Variants in TRIM66 observed in about 807,000 individuals in gnomAD.
The protein encoded by TRIM66 is tripartite motif containing 66, also known as tripartite motif-containing protein 66.
TRIM66 carries 99 observed loss-of-function variants against 148.2 expected under a neutral mutation model. The ratio of observed to expected loss-of-function variants is 0.67; its 90% CI spans 0.57 to 0.79. The LOEUF is 0.79. Ranked by LOEUF, TRIM66 falls within the 30% of genes least tolerant of loss-of-function variation. TRIM66 has a pLI of 0.00. For synonymous variants in TRIM66, 616 were observed against 635.9 expected (o/e 0.97, Z 0.47); for missense variants, 1,666 against 1,697.9 (o/e 0.98, Z 0.33).
intron 8 of TRIM66, 71 bp from the exon 9 acceptor site, chr11:8,648,619 C>A: frequency 1.3e-6 from 2 of 1,524,464 alleles, no homozygotes; most frequent in South Asian, 1.2e-5. Flanking sequence ...AGCTTTGCTG[C>A]ACAGCTCTCA....
Position 8,660,827 on chromosome 11 carries a change from G to C in TRIM66, c.341-8924C>G, listed in dbSNP as rs2038199090. Among the ~76,000 whole-genome samples, 3 of 152,186 alleles carry C rather than the reference G, an allele frequency of 2.0e-5. No individual in the cohort carries two copies. The South Asian group carries it at 6.2e-4, about 31-fold the overall frequency. ...GTGTAGGATGTTTCAAGCAAGAAAA[G>C]GCATTTCAGGAGGAAAGAACATCAT... On this transcript the variant is annotated intron_variant, in intron 6 of 24. Coordinates refer to ENST00000646038, the MANE Select transcript of TRIM66 (RefSeq NM_001388022.1).
Position 8,671,954 on chromosome 11 carries a change from T to A in TRIM66, c.172A>T (p.Ser58Cys), listed in dbSNP as rs1691861254. The change falls in exon 6 of 25, where the codon AGT becomes TGT. Residue 58 changes from serine (S) to cysteine (C), a missense_variant. Around this residue, in one of 3 missense-constraint regions of TRIM66, gnomAD observed 1,431 missense variants for 1,412.4 expected, o/e 1.01. Coordinates refer to ENST00000646038, the MANE Select transcript of TRIM66 (RefSeq NM_001388022.1). ...ATTACCATGGCCTCCATCTGTCCAC[T>A]CTTAGGGCAGTGTTTCTGGCCAGCT... ...PLAGQKHCPK[S>C]GQMEAMVMTC... The A allele has an allele frequency of 6.5e-7, 1 of 1,536,126 alleles. No individual in the cohort carries two copies. Among genetic ancestry groups the A allele is most frequent in the Non-Finnish European group, 8.7e-7 (1 of 1,146,904 alleles).
At chr11:8,667,642 C>T (rs1237634833) in intron 6 of TRIM66, among the ~76,000 whole-genome samples, 1 of 152,208 alleles carries the variant, frequency 6.6e-6, no homozygotes, top group Non-Finnish European at 1.5e-5. Context: ...CTGAACATCT[C>T]ATGTAACCAG....
upstream of TRIM66, chr11:8,682,674 G>A: frequency 3.2e-6 from 3 of 936,790 alleles, no homozygotes; most frequent in Non-Finnish European, 5.2e-6. Flanking sequence ...GCGACTAGCA[G>A]GCGCGCAATC....
At chr11:8,672,467 G>C in intron 4 of TRIM66, 82 bp from the exon 5 acceptor site, 1 of 1,368,868 alleles carries the variant, frequency 7.3e-7, no homozygotes, top group Non-Finnish European at 9.6e-7. Flanking sequence ...GTATTTCAAA[G>C]GGGTTGAGAC....
chr11:8,614,268 G>A lies in TRIM66; in HGVS notation c.*3676C>T, dbSNP rs2033583148. 1 of 152,154 alleles carries A rather than the reference G, an allele frequency of 6.6e-6. No homozygotes were observed. The highest frequency in any genetic ancestry group is 6.6e-5 in the Admixed American group (1 of 15,260). 9.4% of individuals were successfully genotyped at this position (152,154 alleles called of 1,614,324 possible). ...ATGGGAGGATCACCTGAGCCCAGAAGGCAGAGGTTGCAATGAGCCGACATC... is the reference window on the plus strand; with the variant it reads ...ATGGGAGGATCACCTGAGCCCAGAAAGCAGAGGTTGCAATGAGCCGACATC... On this transcript the variant is annotated 3_prime_UTR_variant, in exon 25 of 25. Transcript: ENST00000646038.
In TRIM66 at chr11:8,682,615, G is replaced by A. The variant is rs113103256; in HGVS notation, c.-562C>T. 1.4e-5 allele frequency: 9 copies of A among 636,814 alleles called. No individual in the cohort carries two copies. In the Admixed American group the frequency reaches 1.7e-4, roughly 12 times the overall value. The allele number at this position is 636,814 out of a possible 1,614,324, so 39.4% of individuals were successfully genotyped here. Reference sequence around the variant, plus strand: ...ACGAGCCTCACCGAAACCGTACACCGCCACCAGGACACTCCGTGATGGGGG... The same window carrying A: ...ACGAGCCTCACCGAAACCGTACACCACCACCAGGACACTCCGTGATGGGGG... On this transcript the variant is annotated 5_prime_UTR_variant, in exon 1 of 25. Coordinates refer to ENST00000646038, the MANE Select transcript of TRIM66 (RefSeq NM_001388022.1).
At chr11:8,644,615 T>C (rs1211284692) in intron 12 of TRIM66, among the ~76,000 whole-genome samples, 1 of 152,150 alleles carries the variant, frequency 6.6e-6, no homozygotes, top group Non-Finnish European at 1.5e-5. Flanking sequence ...TCAGTGTACT[T>C]ACCCCACCAC....
At chr11:8,677,319 A>G (rs185282534) in intron 3 of TRIM66, among the ~76,000 whole-genome samples, 51 of 152,322 alleles carry the variant, frequency 3.3e-4, no homozygotes, top group African/African-American at 1.2e-3. Flanking sequence ...TTTGTTCACA[A>G]TTGTACCTGC....
At chr11:8,648,108 A>C (rs886238106) in intron 9 of TRIM66, 22 bp from the exon 10 acceptor site, 2 of 1,539,252 alleles carry the variant, frequency 1.3e-6, no homozygotes, top group African/African-American at 2.7e-5. Context: ...GGCAGAGAAA[A>C]AGCTGAGAAG....
Position 8,640,431 on chromosome 11 carries a change from C to T in TRIM66, c.1944G>A (p.Gln648=). 1 of 1,551,502 alleles carries T rather than the reference C, an allele frequency of 6.4e-7. No homozygotes were observed. Among genetic ancestry groups the T allele is most frequent in the Non-Finnish European group, 8.7e-7 (1 of 1,147,004 alleles). ...ACTTGTGATGCATTATGTCCATGTT[C>T]TGAGAACAGGCAGGGCCAGGAGGGC... ...HESPPGPACS[Q]NMDIMHHKFE... The change falls in exon 14 of 25, where the codon CAG becomes CAA. Residue 648 remains glutamine (Q), a synonymous_variant. Transcript: ENST00000646038.
chr11:8,659,740 G>A (rs2038118422), intron 6 of TRIM66, among the ~76,000 whole-genome samples: 4 of 152,186 alleles, frequency 2.6e-5, no homozygotes, highest in Non-Finnish European at 4.4e-5. Flanking sequence ...ATTCAGACCA[G>A]CACTGGTTCA....
At position 8,664,787 on chromosome 11, in the gene TRIM66, G is replaced by A. The variant is rs1015314852; in HGVS notation, c.340+6999C>T. ...CGGGGTTACAAACATGAAAGGCACC[G>A]TCTGGTTGAATGAGAAGATGCCTAC... is the stretch of plus-strand genomic sequence containing the variant. On this transcript the variant is annotated intron_variant, in intron 6 of 24. Coordinates refer to ENST00000646038, the MANE Select transcript of TRIM66 (RefSeq NM_001388022.1). Among the ~76,000 whole-genome samples, 4 of 152,226 alleles carry A rather than the reference G, an allele frequency of 2.6e-5. No individual in the cohort carries two copies. The South Asian group carries it at 8.3e-4, about 32-fold the overall frequency.
intron 18 of TRIM66, among the ~76,000 whole-genome samples, chr11:8,622,140 G>A (rs2034288360): frequency 6.6e-6 from 1 of 151,520 alleles, no homozygotes. Context: ...TTTCTCCTGT[G>A]CTAGACGCGT....
intron 1 of TRIM66, among the ~76,000 whole-genome samples, chr11:8,681,104 G>T (rs1320446206): frequency 6.6e-6 from 1 of 151,840 alleles, no homozygotes; most frequent in Non-Finnish European, 1.5e-5. Flanking sequence ...GAGCTTGGCT[G>T]TAAGGGCAAG....
chr11:8,651,318 G>A lies in TRIM66; in HGVS notation c.444+482C>T, dbSNP rs570224102. Among the ~76,000 whole-genome samples the A allele has an allele frequency of 2.0e-5, 3 of 152,232 alleles. No individual in the cohort carries two copies. The East Asian group carries it at 5.8e-4, about 29-fold the overall frequency. On this transcript the variant is annotated intron_variant, in intron 7 of 24. Coordinates refer to ENST00000646038, the MANE Select transcript of TRIM66 (RefSeq NM_001388022.1). Reference sequence around the variant, plus strand: ...TAGTGGAAAGAGGAACAGAAGGGCTGCCGGCCAATAAGTGATAAAAATTTC... The same window carrying A: ...TAGTGGAAAGAGGAACAGAAGGGCTACCGGCCAATAAGTGATAAAAATTTC...
At chr11:8,669,852 T>C (rs1184414254) in intron 6 of TRIM66, among the ~76,000 whole-genome samples, 1 of 152,064 alleles carries the variant, frequency 6.6e-6, no homozygotes, top group Admixed American at 6.6e-5. Flanking sequence ...CCATCTCATT[T>C]ATTTCTTTTA....
At position 8,625,101 on chromosome 11, in the gene TRIM66, T is replaced by TG; in HGVS notation, c.2437dup (p.Gln813ProfsTer42). Reference sequence around the variant, plus strand: ...AGCACTCAGCAGGCTTGGTACTGCCTGGGGGGCACCAGCTGTCAGGTTGCT... The same window carrying TG: ...AGCACTCAGCAGGCTTGGTACTGCCTGGGGGGGCACCAGCTGTCAGGTTGCT... On this transcript the variant is annotated frameshift_variant, in exon 16 of 25. Coordinates refer to ENST00000646038, the MANE Select transcript of TRIM66 (RefSeq NM_001388022.1). LOFTEE classifies it high-confidence loss of function. 1.3e-6 allele frequency: 2 copies of TG among 1,551,622 alleles called. No individual in the cohort carries two copies. Among genetic ancestry groups the TG allele is most frequent in the South Asian group, 1.2e-5 (1 of 84,060 alleles).
At chr11:8,631,003 A>T (rs957570544) in intron 15 of TRIM66, among the ~76,000 whole-genome samples, 1 of 152,144 alleles carries the variant, frequency 6.6e-6, no homozygotes, top group African/African-American at 2.4e-5. Flanking sequence ...ATGTGTTTCT[A>T]GAGTTCAGTG....
Sources: gnomAD v4.1 joint callset for allele counts (sites outside exome capture counted in the v4.1 genomes callset) on GRCh38, gnomAD v4.1.1 for gene constraint, gnomAD v4.1.1 regional missense constraint, MANE v1.5 for transcripts, NCBI Gene and HGNC (gene_info 2026-07-23, HGNC 2026-07-21) for gene names.